The following PTPRD variants were observed in gnomAD, a reference collection of about 807,000 sequenced individuals.
The protein encoded by PTPRD is receptor-type tyrosine-protein phosphatase delta.
Under a neutral mutation model 214.5 loss-of-function variants are expected in PTPRD, and 34 were observed. That is an observed-to-expected ratio of 0.16 (90% confidence interval 0.12 to 0.21). The LOEUF (loss-of-function observed/expected upper bound fraction) is 0.21, where lower values mean the gene tolerates loss of function less well. PTPRD is among the 10% of genes least tolerant of loss of function. The pLI is 1.00. For missense variants in PTPRD, 2,545 were observed against 2,398.7 expected, an observed-to-expected ratio of 1.06 and a Z score of -1.27; for synonymous variants, 1,128 against 845.7, an observed-to-expected ratio of 1.33 and a Z score of -5.79.
At chr9:9,083,674 A>G (rs1304361970) in intron 10 of PTPRD, among the ~76,000 whole-genome samples, 1 of 152,224 alleles carries the variant, frequency 6.6e-6, no homozygotes, top group East Asian at 1.9e-4. Flanking sequence ...GCTAATATCC[A>G]GAACCTATAA....
At position 9,377,029 on chromosome 9, in the gene PTPRD, A is replaced by G. The variant is rs16929232; in HGVS notation, c.-203+20420T>C. Among the ~76,000 whole-genome samples the G allele has an allele frequency of 2.4e-3, 368 of 152,186 alleles. 3 individuals are homozygous for G. The highest frequency in any genetic ancestry group is 8.1e-3 in the African/African-American group (336 of 41,556). On this transcript the variant is annotated intron_variant, in intron 9 of 45. Coordinates refer to ENST00000381196, the MANE Select transcript of PTPRD (RefSeq NM_002839.4). ...GGGAATGTGGAAATTTTTAAAAAGC[A>G]TCATCAAGCTAAAGGAAGAATTTGG...
intron 3 of PTPRD, among the ~76,000 whole-genome samples, chr9:10,232,053 C>T (rs901257802): frequency 1.5e-5 from 2 of 136,238 alleles, no homozygotes; most frequent in African/African-American, 2.8e-5. Context: ...TGTTATAAAG[C>T]GAGGTTCCTC....
intron 8 of PTPRD, among the ~76,000 whole-genome samples, chr9:9,465,914 CAATACATA>C (rs1207362426): frequency 2.0e-5 from 3 of 151,716 alleles, no homozygotes; most frequent in Non-Finnish European, 2.9e-5. Context: ...ACAACCATTG[CAATACATA>C]TCAGCCACAG....
At chr9:8,419,398 G>A (rs1353820779) in intron 35 of PTPRD, among the ~76,000 whole-genome samples, 1 of 152,002 alleles carries the variant, frequency 6.6e-6, no homozygotes, top group Non-Finnish European at 1.5e-5. Flanking sequence ...TTTACACAGA[G>A]TGAGTCTTAT....
intron 2 of PTPRD, among the ~76,000 whole-genome samples, chr9:10,500,950 T>C (rs968892512): frequency 6.6e-6 from 1 of 151,888 alleles, no homozygotes; most frequent in African/African-American, 2.4e-5. Flanking sequence ...TAATGGACAC[T>C]TAGGTTGCTT....
At chr9:9,497,898 T>C (rs1409585855) in intron 8 of PTPRD, among the ~76,000 whole-genome samples, 1 of 152,182 alleles carries the variant, frequency 6.6e-6, no homozygotes, top group African/African-American at 2.4e-5. Flanking sequence ...TCTTCACATA[T>C]CAGGGCCTCA....
At chr9:8,501,257 T>A (rs771867803) in intron 23 of PTPRD, among the ~76,000 whole-genome samples, 198 bp from the exon 24 acceptor site, 8 of 152,140 alleles carry the variant, frequency 5.3e-5, no homozygotes, top group Admixed American at 1.3e-4. Flanking sequence ...AAAAAGAGAA[T>A]TAATGACCAA....
At chr9:8,582,738 T>C (rs1228277327) in intron 14 of PTPRD, among the ~76,000 whole-genome samples, 3 of 152,140 alleles carry the variant, frequency 2.0e-5, no homozygotes, top group Non-Finnish European at 4.4e-5. Flanking sequence ...AAAATACAAA[T>C]ATTGGCAAGG....
chr9:8,663,542 G>A (rs573313094), intron 12 of PTPRD, among the ~76,000 whole-genome samples: 3 of 152,084 alleles, frequency 2.0e-5, no homozygotes, highest in Admixed American at 6.6e-5. Context: ...CCAGGCTGGA[G>A]TGCAGTGGTG....
intron 11 of PTPRD, among the ~76,000 whole-genome samples, chr9:8,889,710 A>T (rs2098522314): frequency 6.6e-6 from 1 of 151,688 alleles, no homozygotes; most frequent in Non-Finnish European, 1.5e-5. Context: ...AGAACATAAG[A>T]TATTTGGTTT....
chr9:8,414,930 GGAGAGAGAGAGAGAGAGAGAGAGA>G (rs58529453), intron 35 of PTPRD, among the ~76,000 whole-genome samples: 10 of 49,252 alleles, frequency 2.0e-4, no homozygotes, highest in Non-Finnish European at 2.6e-4. Context: ...AGAGGGAGGG[GGAGAGAGAGAGAGAGAGAGAGAGA>G]GAGAGAGAGA....
chr9:9,133,941 C>G (rs2099846770), intron 10 of PTPRD, among the ~76,000 whole-genome samples: 2 of 151,948 alleles, frequency 1.3e-5, no homozygotes, highest in African/African-American at 2.4e-5. Flanking sequence ...CTTCCATACT[C>G]TAATAGATCT....
At chr9:9,770,673 T>C (rs886093566) in intron 5 of PTPRD, among the ~76,000 whole-genome samples, 1 of 152,148 alleles carries the variant, frequency 6.6e-6, no homozygotes, top group Non-Finnish European at 1.5e-5. Context: ...GATTTAGTGA[T>C]GCTGACAACA....
chr9:10,115,312 T>C (rs1470258682), intron 3 of PTPRD, among the ~76,000 whole-genome samples: 1 of 152,110 alleles, frequency 6.6e-6, no homozygotes, highest in Non-Finnish European at 1.5e-5. Context: ...TACATATTTA[T>C]TGAATTATAG....
intron 3 of PTPRD, among the ~76,000 whole-genome samples, chr9:10,145,647 G>A (rs74489514): frequency 0.027 from 4,170 of 152,068 alleles, 104 homozygotes; most frequent in African/African-American, 0.071. Flanking sequence ...ACTTATACAT[G>A]GATTTTTGAC....
rs903716101 is a variant in PTPRD, at chr9:10,272,650, A to G, written c.-545+68313T>C. Among the ~76,000 whole-genome samples the G allele has an allele frequency of 3.3e-5, 5 of 152,218 alleles. 1 individual carries two copies. The highest frequency in any genetic ancestry group is 6.8e-3 in the Middle Eastern group (2 of 294). Reference sequence around the variant, plus strand: ...TTGTAAAACATAATTTAATATGACAATTTTCTCTTTCCATTTCACAAATCC... The same window carrying G: ...TTGTAAAACATAATTTAATATGACAGTTTTCTCTTTCCATTTCACAAATCC... On this transcript the variant is annotated intron_variant, in intron 3 of 45. Coordinates refer to ENST00000381196, the MANE Select transcript of PTPRD (RefSeq NM_002839.4).
At chr9:9,337,588 A>T (rs2137041941) in intron 9 of PTPRD, among the ~76,000 whole-genome samples, 1 of 152,280 alleles carries the variant, frequency 6.6e-6, no homozygotes, top group Non-Finnish European at 1.5e-5. Context: ...ATATGAATCT[A>T]CCTTTAAGTG....
At position 8,389,311 on chromosome 9, in the gene PTPRD, A is replaced by C. The variant is rs746067788; in HGVS notation, c.4307T>G (p.Phe1436Cys). ...IATQGSLPETFGDFWRMIWEQ... is the reference protein window; with the variant it reads ...IATQGSLPETCGDFWRMIWEQ... ...CCATATCATTCTCCAAAAGTCCCCA[A>C]ATGTTTCGGGGAGAGATCCCTGTGT... Residue 1436 changes from phenylalanine to cysteine, a missense_variant, in exon 37 of 46, where the codon TTT (phenylalanine) becomes TGT (cysteine). Transcript: ENST00000381196. The C allele has an allele frequency of 6.2e-7, 1 of 1,613,010 alleles. No homozygotes were observed. The highest frequency in any genetic ancestry group is 1.1e-5 in the South Asian group (1 of 90,952).
intron 8 of PTPRD, among the ~76,000 whole-genome samples, chr9:9,447,319 T>C (rs1388891983): frequency 2.6e-5 from 4 of 152,062 alleles, no homozygotes; most frequent in Admixed American, 6.6e-5. Context: ...ATGTACCCCA[T>C]GGAATATTAG....
Sources: allele counts gnomAD v4.1 joint callset (sites outside exome capture counted in the v4.1 genomes callset), GRCh38; gene constraint gnomAD v4.1.1; transcripts MANE v1.5; gene names NCBI Gene and HGNC (gene_info 2026-07-23, HGNC 2026-07-21).